Variants in CCR9 observed in about 807,000 individuals in gnomAD.
CCR9 encodes C-C chemokine receptor type 9.
A neutral mutation model predicts 8.7 loss-of-function variants in CCR9; 4 were observed. The observed-to-expected ratio is 0.46, with a 90% confidence interval of 0.23 to 1.06. CCR9 has a LOEUF of 1.06. CCR9 is among the 50% of genes least tolerant of loss of function. The probability of loss-of-function intolerance (pLI) is 0.21; values close to 1 mark genes in which losing one functional copy is unlikely to be tolerated. For synonymous variants in CCR9, 159 were observed against 168.8 expected (o/e 0.94, Z 0.45); for missense variants, 394 against 453.6 (o/e 0.87, Z 1.19).
rs1348943423 is a variant in CCR9 at position 45,901,353 on chromosome 3, A to G, written c.565A>G (p.Ile189Val). 1 of 1,614,162 alleles carries G rather than the reference A, an allele frequency of 6.2e-7. No individual in the cohort carries two copies. Among genetic ancestry groups the G allele is most frequent in the South Asian group, 1.1e-5 (1 of 91,076 alleles). Residue 189 changes from isoleucine (I) to valine (V), a missense_variant, in exon 3 of 3, where the codon ATC (isoleucine) becomes GTC (valine). Coordinates refer to ENST00000357632, the MANE Select transcript of CCR9 (RefSeq NM_031200.3). The surrounding 1 kb of genome is among the most constrained non-coding windows in gnomAD (Gnocchi z 4.3). ...CATCCCAGAAATCTTATACAGCCAA[A>G]TCAAGGAGGAATCCGGCATTGCTAT... Reference protein sequence around the residue: ...LCIPEILYSQIKEESGIAICT... With the variant: ...LCIPEILYSQVKEESGIAICT...
rs1372099974 is a variant in CCR9, at chr3:45,897,545, C to T, written c.21+2591C>T. On this transcript the variant is annotated intron_variant, in intron 2 of 2. Transcript: ENST00000357632. ...CCTGGGATTTCTGCACAATTTCTCC[C>T]ATTCTGCTCCTGCAGTCTCCTCCAG... The T allele has an allele frequency of 2.0e-6, 3 of 1,517,842 alleles. No individual in the cohort carries two copies. The South Asian group carries it at 3.6e-5, about 18-fold the overall frequency. The allele number at this position is 1,517,842 out of a possible 1,614,324, so 94.0% of individuals were successfully genotyped here.
intron 2 of CCR9, chr3:45,897,763 T>C: frequency 1.6e-6 from 1 of 606,710 alleles, no homozygotes; most frequent in Non-Finnish European, 2.9e-6. Context: ...TGCCTTCTTC[T>C]TTCTTCCTTG....
At chr3:45,893,046 C>T (rs141863279) in intron 1 of CCR9, among the ~76,000 whole-genome samples, 37 of 152,274 alleles carry the variant, frequency 2.4e-4, no homozygotes, top group African/African-American at 8.2e-4. Flanking sequence ...TACACCCTTG[C>T]GAAGCTCTCA....
intron 1 of CCR9, among the ~76,000 whole-genome samples, chr3:45,891,841 C>A (rs1254639598): frequency 6.6e-6 from 1 of 152,010 alleles, no homozygotes; most frequent in Non-Finnish European, 1.5e-5. Flanking sequence ...TGCAGAAAGT[C>A]CTTCATTTTG....
At chr3:45,889,132 A>G (rs1702068711) in intron 1 of CCR9, among the ~76,000 whole-genome samples, 1 of 152,168 alleles carries the variant, frequency 6.6e-6, no homozygotes, top group South Asian at 2.1e-4. Context: ...ACTACAGGGT[A>G]GGCAACCATG....
At chr3:45,898,628 C>A (rs906565459) in intron 2 of CCR9, among the ~76,000 whole-genome samples, 2 of 152,328 alleles carry the variant, frequency 1.3e-5, no homozygotes, top group African/African-American at 4.8e-5. Context: ...GTCAGATTTT[C>A]CCAGTTGTCA....
chr3:45,900,120 G>C lies in CCR9; in HGVS notation c.22-690G>C, dbSNP rs1012041744. 6.6e-6 allele frequency among the ~76,000 whole-genome samples: 1 copy of C among 152,150 alleles called. No individual in the cohort carries two copies. Among genetic ancestry groups the C allele is most frequent in the Non-Finnish European group, 1.5e-5 (1 of 68,016 alleles). ...GTGCAACCCACACAGTCACATAGGG[G>C]CCCTGTGCTTAGAAGTGCTGCTTGT... On this transcript the variant is annotated intron_variant, in intron 2 of 2. Transcript: ENST00000357632. The surrounding 1 kb of genome is among the most constrained non-coding windows in gnomAD (Gnocchi z 4.7).
At chr3:45,890,352 T>TATATATATATAAATATATATATATATAAC in intron 1 of CCR9, among the ~76,000 whole-genome samples, 1 of 16,170 alleles carries the variant, frequency 6.2e-5, no homozygotes, top group South Asian at 1.1e-3. Context: ...ATATATAACA[T>TATATATATATAAATATATATATATATAAC]ATATATATAT....
chr3:45,900,762 C>A lies in CCR9; in HGVS notation c.22-48C>A. 6.4e-7 allele frequency: 1 copy of A among 1,562,256 alleles called. No homozygotes were observed. On this transcript the variant is annotated intron_variant, in intron 2 of 2. Transcript: ENST00000357632. This position sits in a 1 kb window ranked among gnomAD's most constrained non-coding sequence, Gnocchi z 4.7. ...CCATGCCTCTGCCATCAGACAGGAC[C>A]TTCAAAATATTTTCCTTGACCTAAT...
In CCR9 at chr3:45,900,047, T is replaced by C. The variant is rs1203294001; in HGVS notation, c.22-763T>C. Among the ~76,000 whole-genome samples the C allele has an allele frequency of 6.6e-6, 1 of 152,220 alleles. No homozygotes were observed. The highest frequency in any genetic ancestry group is 1.5e-5 in the Non-Finnish European group (1 of 68,044). On this transcript the variant is annotated intron_variant, in intron 2 of 2. Coordinates refer to ENST00000357632, the MANE Select transcript of CCR9 (RefSeq NM_031200.3). The surrounding 1 kb of genome is among the most constrained non-coding windows in gnomAD (Gnocchi z 4.7). Reference sequence around the variant, plus strand: ...TGTGCAAGTGCATGTATTATGTGTATGCATGTACATATGAGTGTGTGTGCT... The same window carrying C: ...TGTGCAAGTGCATGTATTATGTGTACGCATGTACATATGAGTGTGTGTGCT...
chr3:45,889,835 T>G (rs901656630), intron 1 of CCR9, among the ~76,000 whole-genome samples: 2 of 152,038 alleles, frequency 1.3e-5, no homozygotes, highest in African/African-American at 4.8e-5. Flanking sequence ...GTCATAATAT[T>G]ACCAATTGCT....
chr3:45,892,227 T>A (rs1385331420), intron 1 of CCR9, among the ~76,000 whole-genome samples: 1 of 152,150 alleles, frequency 6.6e-6, no homozygotes, highest in Non-Finnish European at 1.5e-5. Context: ...TAATTTAATC[T>A]TAAAAACATA....
chr3:45,895,038 G>A, intron 2 of CCR9, 84 bp downstream of exon 2: 2 of 1,362,730 alleles, frequency 1.5e-6, no homozygotes, highest in South Asian at 1.2e-5. Context: ...TCCACTGTGG[G>A]GGAAGGATTT....
At position 45,892,381 on chromosome 3, in the gene CCR9, TA is replaced by T. The variant is rs540252527; in HGVS notation, c.-28-2519del. On this transcript the variant is annotated intron_variant, in intron 1 of 2. Coordinates refer to ENST00000357632, the MANE Select transcript of CCR9 (RefSeq NM_031200.3). ...TACATCATGGAATACTACACAGCCA[TA>T]AAAAAGAACAAGATCCTGTCCTTTG... 4.5e-3 allele frequency among the ~76,000 whole-genome samples: 679 copies of T among 152,156 alleles called. 8 individuals carry two copies. Among genetic ancestry groups the T allele is most frequent in the African/African-American group, 0.016 (645 of 41,518 alleles).
At chr3:45,890,335 A>AAAT (rs367843336) in intron 1 of CCR9, among the ~76,000 whole-genome samples, 5,252 of 61,738 alleles carry the variant, frequency 0.085, 1,074 homozygotes, top group African/African-American at 0.17. Context: ...ATATATATAT[A>AAAT]ACATATATAT....
rs148893037 is a variant in CCR9 at position 45,901,406 on chromosome 3, G to A, written c.618G>A (p.Glu206=). 1,725 of 1,614,196 alleles carry A rather than the reference G, an allele frequency of 1.1e-3. 18 individuals are homozygous for A. In the Middle Eastern group the frequency reaches 0.012, roughly 11 times the overall value. Residue 206 remains glutamate (E), a synonymous_variant, in exon 3 of 3, where the codon GAG becomes GAA. Transcript: ENST00000357632. This position sits in a 1 kb window ranked among gnomAD's most constrained non-coding sequence, Gnocchi z 4.3. ...AICTMVYPSD[E]STKLKSAVLT... ...GCACCATGGTTTACCCTAGCGATGA[G>A]AGCACCAAACTGAAGTCAGCTGTCT...
At position 45,901,315 on chromosome 3, in the gene CCR9, C is replaced by G; in HGVS notation, c.527C>G (p.Ala176Gly). Residue 176 changes from alanine to glycine, a missense_variant, in exon 3 of 3, where the codon GCA becomes GGA. Coordinates refer to ENST00000357632, the MANE Select transcript of CCR9 (RefSeq NM_031200.3). The surrounding 1 kb of genome is among the most constrained non-coding windows in gnomAD (Gnocchi z 4.3). ...GTTTGCTTTACCATCTGGGTATTGG[C>G]AGCTGCTCTCTGCATCCCAGAAATC... ...KMVCFTIWVL[A>G]AALCIPEILY... 3.1e-6 allele frequency: 5 copies of G among 1,614,170 alleles called. No homozygotes were observed. The highest frequency in any genetic ancestry group is 4.2e-6 in the Non-Finnish European group (5 of 1,180,034).
upstream of CCR9, chr3:45,886,428 T>C (rs764705628): frequency 6.6e-6 from 1 of 152,266 alleles, no homozygotes; most frequent in Non-Finnish European, 1.5e-5. Flanking sequence ...ACTCCGCTGA[T>C]TGCTGGAAGC....
intron 2 of CCR9, chr3:45,897,595 C>T (rs1202103712): frequency 3.9e-6 from 6 of 1,535,724 alleles, no homozygotes; most frequent in African/African-American, 2.7e-5. Flanking sequence ...CACCTTCCCT[C>T]GCTGGCCCAG....
Sources: allele counts gnomAD v4.1 joint callset (sites outside exome capture counted in the v4.1 genomes callset), GRCh38; gene constraint gnomAD v4.1.1; non-coding constraint Gnocchi (gnomAD v3.1); transcripts MANE v1.5; gene names NCBI Gene and HGNC (gene_info 2026-07-23, HGNC 2026-07-21).